The following AGPAT4 variants were observed in gnomAD, a reference collection of about 807,000 sequenced individuals.
The protein encoded by AGPAT4 is 1-acylglycerol-3-phosphate O-acyltransferase 4.
A neutral mutation model predicts 48.0 loss-of-function variants in AGPAT4; 15 were observed. The observed-to-expected ratio is 0.31, with a 90% CI of 0.21 to 0.48. The LOEUF (loss-of-function observed/expected upper bound fraction) is 0.48. Among genes scored for constraint, AGPAT4 ranks in the 20% least tolerant of loss-of-function variants. The pLI, the probability that AGPAT4 is intolerant of heterozygous loss-of-function variation, is 0.99. For synonymous variants in AGPAT4, 178 were observed against 198.7 expected (o/e 0.90, Z 0.88); for missense variants, 314 against 482.5 (o/e 0.65, Z 3.27).
At position 161,255,574 on chromosome 6, in the gene AGPAT4, A is replaced by C. The variant is rs1331835768; in HGVS notation, c.-90+18364T>G. 2.0e-5 allele frequency among the ~76,000 whole-genome samples: 3 copies of C among 152,226 alleles called. No individual in the cohort carries two copies. The highest frequency in any genetic ancestry group is 2.9e-5 in the Non-Finnish European group (2 of 68,044). On this transcript the variant is annotated intron_variant, in intron 1 of 8. Coordinates refer to ENST00000320285, the MANE Select transcript of AGPAT4 (RefSeq NM_020133.3). The surrounding 1 kb of genome is among the most constrained non-coding windows in gnomAD (Gnocchi z 4.7). ...TAAATTAATTACTGATACATGCTACAACATGAATGAACCTCAAAAACATGT... is the reference window on the plus strand; with the variant it reads ...TAAATTAATTACTGATACATGCTACCACATGAATGAACCTCAAAAACATGT...
rs1779009927 is a variant in AGPAT4 at position 161,134,711 on chromosome 6, A to G, written c.*1829T>C. The G allele has an allele frequency of 1.3e-5, 2 of 151,928 alleles. No individual in the cohort carries two copies. Among genetic ancestry groups the G allele is most frequent in the South Asian group, 2.1e-4 (1 of 4,782 alleles). 9.4% of individuals were successfully genotyped at this position (151,928 alleles called of 1,614,324 possible). On this transcript the variant is annotated 3_prime_UTR_variant, in exon 9 of 9. Transcript: ENST00000320285. ...GGCCCGATAATCCAGGCGCAGGTCC[A>G]CTAGGGCGTGCTCACAGACACGCAA...
At chr6:161,176,245 C>G (rs1780423675) in intron 2 of AGPAT4, among the ~76,000 whole-genome samples, 1 of 152,142 alleles carries the variant, frequency 6.6e-6, no homozygotes, top group Admixed American at 6.5e-5. Context: ...GTGTTAAAGT[C>G]TCCCATTATT....
chr6:161,136,684 G>T, intron 8 of AGPAT4, 50 bp from the exon 9 acceptor site: 1 of 1,535,006 alleles, frequency 6.5e-7, no homozygotes, highest in Non-Finnish European at 9.0e-7. Context: ...CAGACTACAG[G>T]GCCGTTTTCC....
chr6:161,257,339 T>G (rs1386060726), intron 1 of AGPAT4, among the ~76,000 whole-genome samples: 1 of 152,124 alleles, frequency 6.6e-6, no homozygotes, highest in Admixed American at 6.6e-5. Flanking sequence ...CAATACATAG[T>G]GAATTATCCC....
In AGPAT4 at chr6:161,219,826, G is replaced by GATAGATAGAT. The variant is rs1247926302; in HGVS notation, c.178+12200_178+12209dup. On this transcript the variant is annotated intron_variant, in intron 2 of 8. Coordinates refer to ENST00000320285, the MANE Select transcript of AGPAT4 (RefSeq NM_020133.3). The surrounding 1 kb of genome is among the most constrained non-coding windows in gnomAD (Gnocchi z 4.9). ...ATTCACAGTAAAAAAGATAGACAGAGATAGATAGATAGATAGATAGATAGA... is the reference window on the plus strand; with the variant it reads ...ATTCACAGTAAAAAAGATAGACAGAGATAGATAGATATAGATAGATAGATAGATAGATAGA... Among the ~76,000 whole-genome samples, 124 of 83,448 alleles carry GATAGATAGAT rather than the reference G, an allele frequency of 1.5e-3. 1 individual carries two copies. The highest frequency in any genetic ancestry group is 6.7e-3 in the African/African-American group (122 of 18,302). 54.7% of individuals were successfully genotyped at this position (83,448 alleles called of 152,430 possible).
intron 1 of AGPAT4, among the ~76,000 whole-genome samples, chr6:161,250,332 G>A (rs1456877036): frequency 3.3e-5 from 5 of 152,054 alleles, no homozygotes; most frequent in Admixed American, 6.6e-5. Context: ...ATGTATCCCT[G>A]AACTTAAAAT....
Position 161,254,992 on chromosome 6 carries a change from G to A in AGPAT4, c.-90+18946C>T, listed in dbSNP as rs977859001. On this transcript the variant is annotated intron_variant, in intron 1 of 8. Transcript: ENST00000320285. This position sits in a 1 kb window ranked among gnomAD's most constrained non-coding sequence, Gnocchi z 5.9. ...AACTGCAGAACACACCCGGCAAGCT[G>A]TTCTTATCGTTCCGAGGCCATTGCA... Among the ~76,000 whole-genome samples the A allele has an allele frequency of 2.0e-4, 30 of 152,284 alleles. No individual in the cohort carries two copies. The highest frequency in any genetic ancestry group is 6.7e-4 in the African/African-American group (28 of 41,534).
rs1262992689 is a variant in AGPAT4, at chr6:161,196,798, G to C, written c.179-30381C>G. On this transcript the variant is annotated intron_variant, in intron 2 of 8. Transcript: ENST00000320285. The surrounding 1 kb of genome is among the most constrained non-coding windows in gnomAD (Gnocchi z 4.3). ...TACTCCAGCCTAGGCAACAGAGAAA[G>C]ACTCTATCTCCCCCCGCCAAAAAAA... Among the ~76,000 whole-genome samples, 5 of 145,566 alleles carry C rather than the reference G, an allele frequency of 3.4e-5. No homozygotes were observed. The highest frequency in any genetic ancestry group is 7.5e-5 in the Non-Finnish European group (5 of 67,104).
intron 2 of AGPAT4, among the ~76,000 whole-genome samples, chr6:161,194,634 ATG>A (rs796841456): frequency 6.9e-6 from 1 of 145,028 alleles, no homozygotes; most frequent in Non-Finnish European, 1.5e-5. Flanking sequence ...GTGTATGTGT[ATG>A]TGTGTATGTG....
At chr6:161,252,144 AGAGGCCCCG>A (rs1782820678) in intron 1 of AGPAT4, among the ~76,000 whole-genome samples, 2 of 152,194 alleles carry the variant, frequency 1.3e-5, no homozygotes, top group African/African-American at 2.4e-5. Context: ...CGAGGCCTCT[AGAGGCCCCG>A]AGACCACCTT....
At chr6:161,190,081 GC>G (rs1406645324) in intron 2 of AGPAT4, among the ~76,000 whole-genome samples, 1 of 152,142 alleles carries the variant, frequency 6.6e-6, no homozygotes, top group Non-Finnish European at 1.5e-5. Context: ...ATTTAGATGA[GC>G]TGTATCTGAA....
At chr6:161,268,047 C>A (rs1000527606) in intron 1 of AGPAT4, among the ~76,000 whole-genome samples, 3 of 152,244 alleles carry the variant, frequency 2.0e-5, no homozygotes, top group African/African-American at 7.2e-5. Flanking sequence ...CGTCTCAGCT[C>A]TGCTCCTTCT....
rs899298763 is a variant in AGPAT4, at chr6:161,220,445, G to C, written c.178+11591C>G. Among the ~76,000 whole-genome samples, 1 of 152,170 alleles carries C rather than the reference G, an allele frequency of 6.6e-6. No individual in the cohort carries two copies. Among genetic ancestry groups the C allele is most frequent in the Non-Finnish European group, 1.5e-5 (1 of 68,016 alleles). On this transcript the variant is annotated intron_variant, in intron 2 of 8. Coordinates refer to ENST00000320285, the MANE Select transcript of AGPAT4 (RefSeq NM_020133.3). The surrounding 1 kb of genome is among the most constrained non-coding windows in gnomAD (Gnocchi z 6.0). ...GGAGAGGCAGATAGACAGCTTCCTC[G>C]ATACTTCAGATTAAAAACCCTAGAA... is the stretch of plus-strand genomic sequence containing the variant.
chr6:161,235,787 C>T lies in AGPAT4; in HGVS notation c.-89-3485G>A, dbSNP rs985210011. Among the ~76,000 whole-genome samples, 5 of 152,088 alleles carry T rather than the reference C, an allele frequency of 3.3e-5. No homozygotes were observed. Among genetic ancestry groups the T allele is most frequent in the African/African-American group, 9.7e-5 (4 of 41,408 alleles). ...ATCTCAAGAGAACTCACTCATTATA[C>T]GGTACCAAGGGGGTACAGTGCTAAA... On this transcript the variant is annotated intron_variant, in intron 1 of 8. Transcript: ENST00000320285. The surrounding 1 kb of genome is among the most constrained non-coding windows in gnomAD (Gnocchi z 6.2).
In AGPAT4 at chr6:161,144,913, A is replaced by G. The variant is rs1287456364; in HGVS notation, c.843+1611T>C. On this transcript the variant is annotated intron_variant, in intron 7 of 8. Coordinates refer to ENST00000320285, the MANE Select transcript of AGPAT4 (RefSeq NM_020133.3). This position sits in a 1 kb window ranked among gnomAD's most constrained non-coding sequence, Gnocchi z 6.6. ...GGAGAATGGCGTGAACCCAGGAGGC[A>G]GAGCTTGCAGTGAGCCGAGATCGCG... Among the ~76,000 whole-genome samples, 3 of 152,092 alleles carry G rather than the reference A, an allele frequency of 2.0e-5. No homozygotes were observed. The highest frequency in any genetic ancestry group is 4.4e-5 in the Non-Finnish European group (3 of 68,034).
In AGPAT4 at chr6:161,245,967, CT is replaced by C. The variant is rs1782635213; in HGVS notation, c.-89-13666del. ...CATTTATTGAAGACAGAATTGCTGG[CT>C]TCGAGTGCCCAAACTAAGTTGACAT... On this transcript the variant is annotated intron_variant, in intron 1 of 8. Transcript: ENST00000320285. The surrounding 1 kb of genome is among the most constrained non-coding windows in gnomAD (Gnocchi z 5.2). 6.6e-6 allele frequency among the ~76,000 whole-genome samples: 1 copy of C among 152,180 alleles called. No individual in the cohort carries two copies. The highest frequency in any genetic ancestry group is 2.4e-5 in the African/African-American group (1 of 41,442).
Position 161,164,019 on chromosome 6 carries a change from G to A in AGPAT4, c.348+2229C>T, listed in dbSNP as rs1410644400. On this transcript the variant is annotated intron_variant, in intron 3 of 8. Transcript: ENST00000320285. This position sits in a 1 kb window ranked among gnomAD's most constrained non-coding sequence, Gnocchi z 7.4. The stretch of plus-strand genomic sequence containing the variant: ...GAAGTCCTATAAATAGAATATCACC[G>A]ATGAAATCAAGGGGAGGTGCGGTCC... 2.6e-5 allele frequency among the ~76,000 whole-genome samples: 4 copies of A among 152,196 alleles called. No homozygotes were observed. The highest frequency in any genetic ancestry group is 4.8e-5 in the African/African-American group (2 of 41,438).
chr6:161,231,946 A>G lies in AGPAT4; in HGVS notation c.178+90T>C, dbSNP rs1782134294. The G allele has an allele frequency of 1.5e-6, 2 of 1,346,166 alleles. No homozygotes were observed. Among genetic ancestry groups the G allele is most frequent in the Non-Finnish European group, 2.0e-6 (2 of 989,084 alleles). 83.4% of individuals were successfully genotyped at this position (1,346,166 alleles called of 1,614,324 possible). A position where few individuals can be genotyped will look rare whatever the true frequency, so the allele number is the denominator to read the frequency against. Reference sequence around the variant, plus strand: ...AAACAAAAAAACAGCTCGGCACACAACGAAAGCCTAGTGAATCCATATCAA... The same window carrying G: ...AAACAAAAAAACAGCTCGGCACACAGCGAAAGCCTAGTGAATCCATATCAA... On this transcript the variant is annotated intron_variant, in intron 2 of 8. Coordinates refer to ENST00000320285, the MANE Select transcript of AGPAT4 (RefSeq NM_020133.3). The surrounding 1 kb of genome is among the most constrained non-coding windows in gnomAD (Gnocchi z 5.3).
rs1778871373 is a variant in AGPAT4 at position 161,130,662 on chromosome 6, C to T, written c.*5878G>A. 1 of 280,484 alleles carries T rather than the reference C, an allele frequency of 3.6e-6. No homozygotes were observed. Among genetic ancestry groups the T allele is most frequent in the Middle Eastern group, 1.1e-3 (1 of 932 alleles). 17.4% of individuals were successfully genotyped at this position (280,484 alleles called of 1,614,324 possible). On this transcript the variant is annotated 3_prime_UTR_variant, in exon 9 of 9. Transcript: ENST00000320285. ...ACAAGCAAAAGAGGGGCTGATCCAT[C>T]TCCCGTGAACATCTGTTGACTGTGG...
Sources: gnomAD v4.1 joint callset for allele counts (sites outside exome capture counted in the v4.1 genomes callset) on GRCh38, gnomAD v4.1.1 for gene constraint, Gnocchi (gnomAD v3.1) non-coding constraint, MANE v1.5 for transcripts, NCBI Gene and HGNC (gene_info 2026-07-23, HGNC 2026-07-21) for gene names.